Variants in IFT43 observed in about 807,000 individuals in gnomAD.
IFT43 encodes the protein intraflagellar transport 43.
In IFT43, 33 loss-of-function variants were observed where a neutral mutation model predicts 32.3. That is an observed-to-expected ratio of 1.02 (90% confidence interval 0.77 to 1.37). The LOEUF is 1.37. IFT43 is among the 40% of genes most tolerant of loss of function. The pLI, the probability that IFT43 is intolerant of heterozygous loss-of-function variation, is 0.00. For synonymous variants in IFT43, 93 were observed against 98.2 expected (o/e 0.95, Z 0.31); for missense variants, 274 against 265.9 (o/e 1.03, Z -0.21).
chr14:75,998,591 C>T (rs574503853), intron 2 of IFT43, among the ~76,000 whole-genome samples: 2 of 152,096 alleles, frequency 1.3e-5, no homozygotes, highest in East Asian at 3.9e-4. Context: ...GTCCAGAAGC[C>T]AAGATAAGTG....
chr14:76,062,391 G>T (rs1426678321), intron 5 of IFT43, among the ~76,000 whole-genome samples: 1 of 151,938 alleles, frequency 6.6e-6, no homozygotes, highest in East Asian at 1.9e-4. Flanking sequence ...TTCTTTACAT[G>T]ATTAGTAGGT....
At chr14:76,059,070 C>T in intron 4 of IFT43, 1 of 1,428,556 alleles carries the variant, frequency 7.0e-7, no homozygotes, top group Non-Finnish European at 9.1e-7. Flanking sequence ...CACCCAGTTT[C>T]CTACTCCCAG....
intron 2 of IFT43, among the ~76,000 whole-genome samples, chr14:75,990,330 A>G (rs2035612633): frequency 6.6e-6 from 1 of 152,226 alleles, no homozygotes; most frequent in South Asian, 2.1e-4. Context: ...TGGATATTAA[A>G]TCATCATATG....
At chr14:76,058,806 C>A in intron 4 of IFT43, 132 bp downstream of exon 4, 1 of 1,576,228 alleles carries the variant, frequency 6.3e-7, no homozygotes, top group Non-Finnish European at 8.6e-7. Flanking sequence ...ATTATTGATG[C>A]CTGCTGAATC....
chr14:76,039,566 G>A (rs1332697043), intron 3 of IFT43, among the ~76,000 whole-genome samples: 3 of 152,232 alleles, frequency 2.0e-5, no homozygotes, highest in Non-Finnish European at 4.4e-5. Context: ...GGAGTGGGAT[G>A]TGGAGACAGT....
intron 3 of IFT43, among the ~76,000 whole-genome samples, chr14:76,051,310 T>A (rs2036909851): frequency 6.6e-6 from 1 of 150,518 alleles, no homozygotes; most frequent in African/African-American, 2.5e-5. Flanking sequence ...GAGATTTAAA[T>A]GAGGAGAAAT....
chr14:76,083,865 C>G (rs759092935), downstream of IFT43: 1 of 557,742 alleles, frequency 1.8e-6, no homozygotes, highest in Admixed American at 2.2e-5. Flanking sequence ...TGGGAGAGTT[C>G]GATTCAGGCG....
At chr14:75,996,145 C>T (rs1461752257) in intron 2 of IFT43, among the ~76,000 whole-genome samples, 1 of 152,198 alleles carries the variant, frequency 6.6e-6, no homozygotes, top group African/African-American at 2.4e-5. Flanking sequence ...TTCTCCTCCT[C>T]GCCTATGGGG....
intron 3 of IFT43, among the ~76,000 whole-genome samples, chr14:76,028,998 C>T (rs867772126): frequency 3.3e-5 from 5 of 152,058 alleles, no homozygotes; most frequent in Non-Finnish European, 5.9e-5. Flanking sequence ...ATGGGATTGC[C>T]GGGTCAAATG....
At chr14:76,045,056 G>A (rs1405411583) in intron 3 of IFT43, among the ~76,000 whole-genome samples, 2 of 152,168 alleles carry the variant, frequency 1.3e-5, no homozygotes, top group Non-Finnish European at 2.9e-5. Flanking sequence ...ACTGTATGGG[G>A]GGTCTGTGCC....
intron 2 of IFT43, among the ~76,000 whole-genome samples, chr14:76,010,837 C>T (rs1287020706): frequency 6.6e-6 from 1 of 151,826 alleles, no homozygotes; most frequent in Non-Finnish European, 1.5e-5. Context: ...TCAAGAATCA[C>T]ACAATTAGAT....
Position 75,999,251 on chromosome 14 carries a change from A to T in IFT43, c.147+10274A>T, listed in dbSNP as rs1298171483. 7.3e-3 allele frequency among the ~76,000 whole-genome samples: 111 copies of T among 15,192 alleles called. 1 individual carries two copies. Among genetic ancestry groups the T allele is most frequent in the African/African-American group, 0.026 (65 of 2,476 alleles). The allele number at this position is 15,192 out of a possible 152,430, so 10.0% of individuals were successfully genotyped here. ...TTTATATATATATATATATATATATATATATATATATATATATATATGTAT... is the reference window on the plus strand; with the variant it reads ...TTTATATATATATATATATATATATTTATATATATATATATATATATGTAT... On this transcript the variant is annotated intron_variant, in intron 2 of 8. Transcript: ENST00000314067.
rs968934182 is a variant in IFT43 at position 76,083,556 on chromosome 14, G to A, written c.606G>A (p.Ala202=). 1.6e-5 allele frequency: 26 copies of A among 1,613,960 alleles called. No individual in the cohort carries two copies. Among genetic ancestry groups the A allele is most frequent in the African/African-American group, 8.0e-5 (6 of 74,906 alleles). The part of the protein sequence containing the change: ...DPLQTEKEDP[A]GQARHT ...TGCAGACGGAGAAGGAGGACCCTGC[G>A]GGGCAGGCCAGGCACACCTGAGCCC... The change falls in exon 9 of 9, where the codon GCG becomes GCA. Residue 202 remains alanine (A), a synonymous_variant. Coordinates refer to ENST00000314067, the MANE Select transcript of IFT43 (RefSeq NM_001102564.3).
At chr14:76,009,908 C>T (rs1364683152) in intron 2 of IFT43, among the ~76,000 whole-genome samples, 1 of 152,126 alleles carries the variant, frequency 6.6e-6, no homozygotes, top group East Asian at 1.9e-4. Flanking sequence ...GATTCTCATG[C>T]CTCAGCCTCT....
At chr14:76,042,959 T>A (rs1424622050) in intron 3 of IFT43, among the ~76,000 whole-genome samples, 1 of 152,186 alleles carries the variant, frequency 6.6e-6, no homozygotes, top group Admixed American at 6.5e-5. Flanking sequence ...TGGGCCACCT[T>A]TTCCCCAAGT....
At chr14:76,058,007 T>A (rs917431247) in intron 3 of IFT43, among the ~76,000 whole-genome samples, 2 of 152,082 alleles carry the variant, frequency 1.3e-5, no homozygotes, top group Non-Finnish European at 2.9e-5. Flanking sequence ...GACCAGCTGA[T>A]TCAGAAATCT....
chr14:76,056,474 C>T (rs561301502), intron 3 of IFT43, among the ~76,000 whole-genome samples: 5 of 152,320 alleles, frequency 3.3e-5, no homozygotes, highest in South Asian at 2.1e-4. Context: ...CAGCCTCCCC[C>T]GAAAGATTAG....
In IFT43 at chr14:76,062,954, A is replaced by G. The variant is rs145651890; in HGVS notation, c.295+3581A>G. Among the ~76,000 whole-genome samples, 624 of 150,982 alleles carry G rather than the reference A, an allele frequency of 4.1e-3. 3 individuals carry two copies. The highest frequency in any genetic ancestry group is 0.014 in the African/African-American group (590 of 41,050). On this transcript the variant is annotated intron_variant, in intron 5 of 8. Transcript: ENST00000314067. The stretch of plus-strand genomic sequence containing the variant: ...AAAAAAAAAAAAAGAAAATACATTA[A>G]GTCAAACCACTGTAAATTGTGGAAC...
intron 3 of IFT43, among the ~76,000 whole-genome samples, chr14:76,041,019 G>T (rs1359070462): frequency 6.6e-6 from 1 of 152,238 alleles, no homozygotes; most frequent in Admixed American, 6.5e-5. Flanking sequence ...TGCAGGGAAG[G>T]CTGTCAAAAG....
Sources: gnomAD v4.1 joint callset for allele counts (sites outside exome capture counted in the v4.1 genomes callset) on GRCh38, gnomAD v4.1.1 for gene constraint, MANE v1.5 for transcripts, NCBI Gene and HGNC (gene_info 2026-07-23, HGNC 2026-07-21) for gene names.